NAV3: variants seen among roughly 807,000 people sequenced by gnomAD.
NAV3 encodes pore membrane and/or filament interacting like protein 1.
A neutral mutation model predicts 244.7 loss-of-function variants in NAV3; 87 were observed. The ratio of observed to expected loss-of-function variants is 0.36; its 90% CI spans 0.30 to 0.42. NAV3 has a LOEUF of 0.42. NAV3 is among the 20% of genes least tolerant of loss of function. The probability of loss-of-function intolerance (pLI) is 1.00; values close to 1 mark genes in which losing one functional copy is unlikely to be tolerated. For synonymous variants in NAV3, 1,126 were observed against 1,042.2 expected (o/e 1.08, Z -1.55); for missense variants, 2,663 against 2,893.3 (o/e 0.92, Z 1.83).
At chr12:78,113,705 A>G (rs1007067918) in intron 12 of NAV3, among the ~76,000 whole-genome samples, 2 of 152,158 alleles carry the variant, frequency 1.3e-5, no homozygotes, top group African/African-American at 4.8e-5. Flanking sequence ...GGTTGCCACA[A>G]AACTGTCTGA....
chr12:78,160,402 T>TGTGTGC lies in NAV3; in HGVS notation c.4869+1117_4869+1118insTGTGCG, dbSNP rs776750180. 3.5e-4 allele frequency among the ~76,000 whole-genome samples: 32 copies of TGTGTGC among 90,522 alleles called. 1 individual carries two copies. The South Asian group carries it at 0.011, about 32-fold the overall frequency. 59.4% of individuals were successfully genotyped at this position (90,522 alleles called of 152,430 possible). A position where few individuals can be genotyped will look rare whatever the true frequency, so the allele number is the denominator to read the frequency against. The stretch of plus-strand genomic sequence containing the variant: ...GAGTGTGTGTGTGTGTGTGTGTGCG[T>TGTGTGC]GCGTGTGTGTGTGTGTGTGTGTATG... On this transcript the variant is annotated intron_variant, in intron 23 of 39. Coordinates refer to ENST00000397909, the MANE Select transcript of NAV3 (RefSeq NM_001024383.2).
intron 12 of NAV3, among the ~76,000 whole-genome samples, chr12:78,114,181 G>A (rs1304290387): frequency 1.3e-5 from 2 of 152,068 alleles, no homozygotes; most frequent in Non-Finnish European, 2.9e-5. Flanking sequence ...TCAGCATGTT[G>A]GTCAAAGCCA....
chr12:78,128,471 G>A (rs1041096838), intron 17 of NAV3, among the ~76,000 whole-genome samples: 1 of 152,114 alleles, frequency 6.6e-6, no homozygotes, highest in Middle Eastern at 3.4e-3. Flanking sequence ...ATTTCCAACT[G>A]CATATCTGAT....
intron 3 of NAV3, among the ~76,000 whole-genome samples, chr12:77,951,171 C>A (rs1324320363): frequency 6.6e-6 from 1 of 152,160 alleles, no homozygotes; most frequent in East Asian, 1.9e-4. Flanking sequence ...ATCTACTCAT[C>A]TGACAAAGGG....
At chr12:77,840,213 C>T (rs1443612167) in intron 1 of NAV3, among the ~76,000 whole-genome samples, 1 of 152,140 alleles carries the variant, frequency 6.6e-6, no homozygotes, top group African/African-American at 2.4e-5. Flanking sequence ...ACTCACCAAT[C>T]TTAGGATGTA....
chr12:77,720,366 G>A (rs530058322), intron 2 of NAV3, among the ~76,000 whole-genome samples: 12 of 152,230 alleles, frequency 7.9e-5, no homozygotes, highest in East Asian at 3.9e-4. Context: ...CCACTCAAGC[G>A]TTTTTCTGTG....
chr12:77,979,933 G>T (rs1299610275), intron 5 of NAV3, among the ~76,000 whole-genome samples: 1 of 152,102 alleles, frequency 6.6e-6, no homozygotes, highest in South Asian at 2.1e-4. Flanking sequence ...CAGCTGAGGA[G>T]AAGGGATACC....
At chr12:78,176,552 C>G in intron 26 of NAV3, 93 bp downstream of exon 26, 3 of 1,127,102 alleles carry the variant, frequency 2.7e-6, no homozygotes, top group Middle Eastern at 2.0e-4. Context: ...GCTTTTATAC[C>G]TTTTAAAACA....
chr12:77,843,823 C>T (rs535547701), intron 1 of NAV3, among the ~76,000 whole-genome samples: 59 of 143,572 alleles, frequency 4.1e-4, no homozygotes, highest in Non-Finnish European at 8.8e-4. Context: ...AATTTAGACC[C>T]TGTCTTGTTT....
chr12:77,691,333 G>GTATATATATATATATATATATATA (rs1214933751), intron 2 of NAV3, among the ~76,000 whole-genome samples: 8 of 100,936 alleles, frequency 7.9e-5, no homozygotes, highest in African/African-American at 3.1e-4. Context: ...ATTTGTGTAT[G>GTATATATATATATATATATATATA]TGTGTATATA....
At chr12:77,951,517 C>G (rs1350190829) in intron 3 of NAV3, among the ~76,000 whole-genome samples, 1 of 152,180 alleles carries the variant, frequency 6.6e-6, no homozygotes, top group Non-Finnish European at 1.5e-5. Context: ...GCGGCGGTTG[C>G]TCAAGGATCT....
intron 2 of NAV3, among the ~76,000 whole-genome samples, chr12:77,652,843 G>A (rs1005258397): frequency 6.6e-6 from 1 of 152,214 alleles, no homozygotes; most frequent in African/African-American, 2.4e-5. Flanking sequence ...GTGTTTGTCA[G>A]TTTACAAATA....
intron 15 of NAV3, 78 bp from the exon 16 acceptor site, chr12:78,121,862 G>A (rs1244223606): frequency 6.4e-7 from 1 of 1,554,608 alleles, no homozygotes; most frequent in South Asian, 1.2e-5. Context: ...ACTTGGCTCT[G>A]TGTACTGTAA....
chr12:78,137,049 C>T (rs1178532553), intron 18 of NAV3, 128 bp from the exon 19 acceptor site: 11 of 813,802 alleles, frequency 1.4e-5, no homozygotes, highest in Admixed American at 6.9e-5. Context: ...AGACTCTTAC[C>T]TTAAATAGGG....
intron 3 of NAV3, among the ~76,000 whole-genome samples, chr12:77,942,373 G>A (rs916454940): frequency 6.7e-6 from 1 of 149,938 alleles, no homozygotes; most frequent in African/African-American, 2.5e-5. Flanking sequence ...ACTCTGTCTC[G>A]AAAAAATAAA....
At chr12:77,928,599 A>T (rs1174197173) in intron 1 of NAV3, among the ~76,000 whole-genome samples, 4 of 152,154 alleles carry the variant, frequency 2.6e-5, no homozygotes, top group African/African-American at 9.7e-5. Context: ...GTTTGATTTG[A>T]CTATGAATGA....
At chr12:77,959,912 C>CAA (rs57550714) in intron 3 of NAV3, among the ~76,000 whole-genome samples, 673 of 64,722 alleles carry the variant, frequency 0.01, 70 homozygotes, top group Middle Eastern at 0.013. Flanking sequence ...CCTGACCCGA[C>CAA]AAAAAAAAAA....
At chr12:77,870,362 T>C (rs1251085113) in intron 1 of NAV3, among the ~76,000 whole-genome samples, 1 of 78,206 alleles carries the variant, frequency 1.3e-5, no homozygotes, top group Non-Finnish European at 2.7e-5. Context: ...AGACTCCATC[T>C]CAAAAAAAAA....
Position 78,188,687 on chromosome 12 carries a change from T to A in NAV3, c.5965T>A (p.Leu1989Ile), listed in dbSNP as rs370900282. The change falls in exon 33 of 40, where the codon TTA becomes ATA. Residue 1989 changes from leucine to isoleucine, a missense_variant. Coordinates refer to ENST00000397909, the MANE Select transcript of NAV3 (RefSeq NM_001024383.2). Reference protein sequence around the residue: ...DCIASYCIGDLIRSHNLEVPE... With the variant: ...DCIASYCIGDIIRSHNLEVPE... The stretch of plus-strand genomic sequence containing the variant: ...CATTGCTAGCTACTGTATAGGAGAC[T>A]TAATTAGATCCCATAACCTAGAAGT... 1.4e-5 allele frequency: 23 copies of A among 1,612,482 alleles called. No individual in the cohort carries two copies. Among genetic ancestry groups the A allele is most frequent in the Non-Finnish European group, 2.0e-5 (23 of 1,179,058 alleles).
Sources: allele counts gnomAD v4.1 joint callset (sites outside exome capture counted in the v4.1 genomes callset), GRCh38; gene constraint gnomAD v4.1.1; transcripts MANE v1.5; gene names NCBI Gene and HGNC (gene_info 2026-07-23, HGNC 2026-07-21).